KLRG1: variants seen among roughly 807,000 people sequenced by gnomAD.
KLRG1 encodes the protein killer cell lectin like receptor G1, also known as killer cell lectin-like receptor subfamily G member 1.
Under a neutral mutation model 21.8 loss-of-function variants are expected in KLRG1, and 16 were observed. The ratio of observed to expected loss-of-function variants is 0.73; its 90% CI spans 0.50 to 1.11. The LOEUF is 1.11. Among genes scored for constraint, KLRG1 ranks in the 50% most tolerant of loss-of-function variants. The pLI, the probability that KLRG1 is intolerant of heterozygous loss-of-function variation, is 0.00. For synonymous variants in KLRG1, 69 were observed against 75.9 expected, an observed-to-expected ratio of 0.91 and a Z score of 0.47; for missense variants, 173 against 218.3, an observed-to-expected ratio of 0.79 and a Z score of 1.31.
chr12:9,095,466 A>G, the KLRG1 span: 15 of 1,454,868 alleles, frequency 1.0e-5, no homozygotes, highest in East Asian at 3.5e-4. Context: ...AAGGCATTCA[A>G]ATACAGACTC....
chr12:9,181,917 G>A, the KLRG1 span: 1 of 1,550,230 alleles, frequency 6.5e-7, no homozygotes, highest in African/African-American at 1.4e-5. Flanking sequence ...GGGTAAAATA[G>A]ATGGCACCTA....
the KLRG1 span, chr12:9,201,227 T>C: frequency 1.5e-6 from 2 of 1,338,458 alleles, no homozygotes; most frequent in South Asian, 2.5e-5. Context: ...AATTCAGATC[T>C]GAAAATTTTT....
the KLRG1 span, chr12:9,181,029 T>C: frequency 1.9e-6 from 3 of 1,614,134 alleles, no homozygotes; most frequent in Non-Finnish European, 2.5e-6. Context: ...CAGCACACTT[T>C]GGTCCACAGC....
intron 1 of KLRG1, among the ~76,000 whole-genome samples, chr12:8,979,018 CTTT>C (rs751926947): frequency 7.8e-6 from 1 of 127,992 alleles, no homozygotes; most frequent in Non-Finnish European, 1.7e-5. Context: ...CCTGGCCTGT[CTTT>C]TTTTTTTTTT....
At chr12:9,109,514 A>G in the KLRG1 span, 1 of 818,012 alleles carries the variant, frequency 1.2e-6, no homozygotes, top group Non-Finnish European at 2.0e-6. Flanking sequence ...GGCTCTGAAA[A>G]GGTAGCTCTG....
the KLRG1 span, chr12:9,152,179 A>G: frequency 1.6e-5 from 22 of 1,373,852 alleles, no homozygotes; most frequent in Non-Finnish European, 2.3e-5. Context: ...GATACAGAAC[A>G]TACTTTTGTA....
Position 9,009,716 on chromosome 12 carries a change from T to G in KLRG1, c.*179T>G. The G allele has an allele frequency of 7.0e-7, 1 of 1,424,242 alleles. No individual in the cohort carries two copies. Among genetic ancestry groups the G allele is most frequent in the Non-Finnish European group, 9.1e-7 (1 of 1,094,238 alleles). The allele number at this position is 1,424,242 out of a possible 1,614,324, so 88.2% of individuals were successfully genotyped here. On this transcript the variant is annotated 3_prime_UTR_variant, in exon 5 of 5. Coordinates refer to ENST00000356986, the MANE Select transcript of KLRG1 (RefSeq NM_005810.4). Reference sequence around the variant, plus strand: ...TGATGCCTAACTGATGGATTCTCTTTGAGACTATTTAGATATTATGTGAGC... The same window carrying G: ...TGATGCCTAACTGATGGATTCTCTTGGAGACTATTTAGATATTATGTGAGC...
chr12:9,079,371 G>A, the KLRG1 span: 1 of 1,569,142 alleles, frequency 6.4e-7, no homozygotes, highest in Admixed American at 1.7e-5. Flanking sequence ...ATGGATTAAT[G>A]TGCATGCTGA....
At chr12:9,186,855 TG>T in the KLRG1 span, among the ~76,000 whole-genome samples, 18 of 10,040 alleles carry the variant, frequency 1.8e-3, no homozygotes, top group Non-Finnish European at 2.8e-3. Flanking sequence ...CTGTCGGGGG[TG>T]GGGGGCTGGG....
the KLRG1 span, chr12:9,107,679 G>C: frequency 6.2e-7 from 1 of 1,609,046 alleles, no homozygotes; most frequent in Non-Finnish European, 8.5e-7. Flanking sequence ...AATCAGAGCA[G>C]ACACTGAACC....
the KLRG1 span, chr12:9,107,718 C>T: frequency 3.1e-3 from 4,734 of 1,551,368 alleles, 128 homozygotes; most frequent in African/African-American, 0.057. Context: ...TTATATCTCC[C>T]CTTTAGCTAC....
chr12:9,152,935 T>C, the KLRG1 span: 7 of 1,614,034 alleles, frequency 4.3e-6, no homozygotes, highest in African/African-American at 2.7e-5. Flanking sequence ...TGGAAGAATA[T>C]TGTATTTCAT....
intron 1 of KLRG1, among the ~76,000 whole-genome samples, chr12:8,972,689 T>C (rs1946591128): frequency 6.6e-6 from 1 of 152,200 alleles, no homozygotes; most frequent in Admixed American, 6.5e-5. Context: ...TTCATGGCAG[T>C]ATTATACTAT....
intron 1 of KLRG1, among the ~76,000 whole-genome samples, chr12:8,969,305 AC>A (rs140298697): frequency 2.6e-4 from 39 of 152,314 alleles, no homozygotes; most frequent in African/African-American, 9.1e-4. Flanking sequence ...AGTGGCCAGT[AC>A]AGCGTGGTAC....
At chr12:9,163,835 C>T in the KLRG1 span, 1 of 1,588,224 alleles carries the variant, frequency 6.3e-7, no homozygotes, top group Non-Finnish European at 8.6e-7. Flanking sequence ...TTTGATAGTC[C>T]AATCACCTTT....
At chr12:9,068,244 C>G in the KLRG1 span, 1 of 1,591,468 alleles carries the variant, frequency 6.3e-7, no homozygotes, top group South Asian at 1.1e-5. Flanking sequence ...AAAAAACCAA[C>G]AAAAAACCAG....
At chr12:9,042,102 A>G in the KLRG1 span, among the ~76,000 whole-genome samples, 1 of 152,344 alleles carries the variant, frequency 6.6e-6, no homozygotes, top group South Asian at 2.1e-4. Context: ...CAAAAAGTTT[A>G]GCAATGCTTC....
At chr12:9,154,110 T>G in the KLRG1 span, among the ~76,000 whole-genome samples, 1 of 152,158 alleles carries the variant, frequency 6.6e-6, no homozygotes, top group Non-Finnish European at 1.5e-5. Flanking sequence ...AATCACACAT[T>G]TTTTGGGGAA....
the KLRG1 span, among the ~76,000 whole-genome samples, chr12:9,130,372 G>C: frequency 6.6e-6 from 1 of 152,056 alleles, no homozygotes; most frequent in South Asian, 2.1e-4. Context: ...GAAACTTGAC[G>C]GTGTTTTCCA....
Sources: allele counts gnomAD v4.1 joint callset (sites outside exome capture counted in the v4.1 genomes callset), GRCh38; gene constraint gnomAD v4.1.1; transcripts MANE v1.5; gene names NCBI Gene and HGNC (gene_info 2026-07-23, HGNC 2026-07-21).